PTCHD4: variants seen among roughly 807,000 people sequenced by gnomAD.
The protein encoded by PTCHD4 is patched domain-containing protein 4.
In PTCHD4, 33 loss-of-function variants were observed where a neutral mutation model predicts 58.1. That is an observed-to-expected ratio of 0.57 (90% CI 0.43 to 0.76). PTCHD4 has a LOEUF of 0.76. PTCHD4 is among the 30% of genes least tolerant of loss of function. The pLI is 0.00. For synonymous variants in PTCHD4, 478 were observed against 409.6 expected (o/e 1.17, Z -2.02); for missense variants, 1,058 against 1,027.1 (o/e 1.03, Z -0.41).
At chr6:47,889,943 G>T (rs553796107) in intron 4 of PTCHD4, among the ~76,000 whole-genome samples, 5 of 151,864 alleles carry the variant, frequency 3.3e-5, no homozygotes, top group African/African-American at 4.8e-5. Context: ...GAAAATTTTC[G>T]CAACCTACTC....
chr6:47,971,464 C>A (rs1581954237), intron 4 of PTCHD4, among the ~76,000 whole-genome samples: 4 of 152,264 alleles, frequency 2.6e-5, no homozygotes, highest in Non-Finnish European at 1.5e-5. Flanking sequence ...TTTCAGAACA[C>A]TAGACTTTAA....
At chr6:47,969,115 A>G (rs2113984173) in intron 4 of PTCHD4, among the ~76,000 whole-genome samples, 1 of 152,328 alleles carries the variant, frequency 6.6e-6, no homozygotes, top group South Asian at 2.1e-4. Context: ...GCTCTTGAGG[A>G]AAACAATACA....
intron 3 of PTCHD4, among the ~76,000 whole-genome samples, chr6:48,026,899 A>G (rs2114123268): frequency 7.3e-6 from 1 of 137,304 alleles, no homozygotes; most frequent in South Asian, 2.4e-4. Context: ...TATTGAGTAC[A>G]TAACCTCAAT....
At chr6:47,994,829 G>T (rs972594600) in intron 4 of PTCHD4, among the ~76,000 whole-genome samples, 1 of 152,210 alleles carries the variant, frequency 6.6e-6, no homozygotes, top group African/African-American at 2.4e-5. Context: ...TTTGGATAGG[G>T]TGAGGGAATA....
At chr6:48,096,414 C>G (rs559238329) in intron 1 of PTCHD4, among the ~76,000 whole-genome samples, 50 of 152,114 alleles carry the variant, frequency 3.3e-4, no homozygotes, top group African/African-American at 1.0e-3. Flanking sequence ...GAGTTCAAGA[C>G]CAGCCTGGAC....
intron 4 of PTCHD4, among the ~76,000 whole-genome samples, chr6:47,970,905 A>T (rs1767482502): frequency 6.6e-6 from 1 of 152,208 alleles, no homozygotes; most frequent in African/African-American, 2.4e-5. Flanking sequence ...TTAACAAGAC[A>T]TCCAAGTGAT....
chr6:48,094,902 A>G (rs1345296551), intron 1 of PTCHD4, among the ~76,000 whole-genome samples: 4 of 152,250 alleles, frequency 2.6e-5, no homozygotes, highest in South Asian at 2.1e-4. Flanking sequence ...AAACCAAACA[A>G]TAAGAGTACA....
chr6:47,975,781 C>T (rs889176612), intron 4 of PTCHD4, among the ~76,000 whole-genome samples: 1 of 152,192 alleles, frequency 6.6e-6, no homozygotes, highest in African/African-American at 2.4e-5. Flanking sequence ...AACAGGGAAG[C>T]TCTTGCCCTT....
chr6:47,976,794 C>A (rs1377876421), intron 4 of PTCHD4, among the ~76,000 whole-genome samples: 1 of 151,322 alleles, frequency 6.6e-6, no homozygotes, highest in Admixed American at 6.6e-5. Flanking sequence ...TTTATATTAT[C>A]AATATGGATA....
chr6:48,110,491 A>T (rs1343537717), intron 1 of PTCHD4, among the ~76,000 whole-genome samples: 1 of 152,020 alleles, frequency 6.6e-6, no homozygotes, highest in African/African-American at 2.4e-5. Flanking sequence ...GAGGGGAAGG[A>T]AATATGTAGG....
At chr6:47,947,011 A>G (rs748071033) in intron 4 of PTCHD4, among the ~76,000 whole-genome samples, 14 of 151,676 alleles carry the variant, frequency 9.2e-5, no homozygotes, top group Admixed American at 2.0e-4. Context: ...TAATTTTTTT[A>G]TTTTGTAGAG....
chr6:47,894,296 C>A (rs1282279303), intron 4 of PTCHD4, among the ~76,000 whole-genome samples: 4 of 152,232 alleles, frequency 2.6e-5, no homozygotes, highest in Non-Finnish European at 5.9e-5. Context: ...AATTTATAAA[C>A]AGAAGTTCTT....
chr6:48,097,728 C>T (rs1335447280), intron 1 of PTCHD4, among the ~76,000 whole-genome samples: 1 of 152,008 alleles, frequency 6.6e-6, no homozygotes, highest in Admixed American at 6.6e-5. Flanking sequence ...TATTAGGAAG[C>T]TATTATAAGA....
chr6:48,019,580 CA>C (rs1328880667), intron 3 of PTCHD4, among the ~76,000 whole-genome samples: 3 of 151,906 alleles, frequency 2.0e-5, no homozygotes, highest in African/African-American at 7.2e-5. Flanking sequence ...ACTAAAAATA[CA>C]AAAAATTAGC....
chr6:47,951,075 A>T (rs544273048), intron 4 of PTCHD4, among the ~76,000 whole-genome samples: 2 of 152,330 alleles, frequency 1.3e-5, no homozygotes, highest in East Asian at 3.9e-4. Context: ...AAAGAATAAG[A>T]TGTGATTTTT....
At chr6:48,024,341 G>A (rs925811206) in intron 3 of PTCHD4, among the ~76,000 whole-genome samples, 6 of 152,006 alleles carry the variant, frequency 3.9e-5, no homozygotes, top group East Asian at 1.9e-4. Flanking sequence ...TAAAATGAAC[G>A]AAAGATTCCA....
chr6:48,068,326 C>T lies in PTCHD4; in HGVS notation c.321G>A (p.Arg107=), dbSNP rs755239936. 1 of 1,613,686 alleles carries T rather than the reference C, an allele frequency of 6.2e-7. No individual in the cohort carries two copies. The highest frequency in any genetic ancestry group is 1.3e-5 in the African/African-American group (1 of 75,030). The change falls in exon 3 of 5, where the codon AGG becomes AGA. Residue 107 remains arginine, a synonymous_variant. Coordinates refer to ENST00000339488, the MANE Select transcript of PTCHD4 (RefSeq NM_001384253.1). The surrounding 1 kb of genome is among the most constrained non-coding windows in gnomAD (Gnocchi z 4.2). Reference sequence around the variant, plus strand: ...GGGAGAGGAGGATCACCCTGCCATACCTCCCAGGGGTGTGTAAGTCCGAAT... The same window carrying T: ...GGGAGAGGAGGATCACCCTGCCATATCTCCCAGGGGTGTGTAAGTCCGAAT... ...QLYSDLHTPG[R]YGRVILLSPT...
Position 48,068,510 on chromosome 6 carries a change from G to C in PTCHD4, c.137C>G (p.Pro46Arg). 6.2e-7 allele frequency: 1 copy of C among 1,612,890 alleles called. No individual in the cohort carries two copies. The highest frequency in any genetic ancestry group is 8.5e-7 in the Non-Finnish European group (1 of 1,179,784). Residue 46 changes from proline to arginine, a missense_variant, in exon 3 of 5, where the codon CCC (proline) becomes CGC (arginine). Transcript: ENST00000339488. This position sits in a 1 kb window ranked among gnomAD's most constrained non-coding sequence, Gnocchi z 4.2. ...SRHPVFFLTV[P>R]AVLTITFGLS... The stretch of plus-strand genomic sequence containing the variant: ...GCCGAAGGTGATTGTCAGGACTGCG[G>C]GCACGGTGAGGAAAAAGACCGGGTG...
At chr6:48,021,374 TTTCA>T (rs1454322497) in intron 3 of PTCHD4, among the ~76,000 whole-genome samples, 3 of 152,100 alleles carry the variant, frequency 2.0e-5, no homozygotes, top group Admixed American at 2.0e-4. Flanking sequence ...GGTGTTTTCT[TTTCA>T]AAGAAAAGAT....
Sources: gnomAD v4.1 joint callset for allele counts (sites outside exome capture counted in the v4.1 genomes callset) on GRCh38, gnomAD v4.1.1 for gene constraint, Gnocchi (gnomAD v3.1) non-coding constraint, MANE v1.5 for transcripts, NCBI Gene and HGNC (gene_info 2026-07-23, HGNC 2026-07-21) for gene names.